FAT4: variants seen among roughly 807,000 people sequenced by gnomAD.
FAT4 encodes FAT atypical cadherin 4, also known as protocadherin Fat 4.
Under a neutral mutation model 303.9 loss-of-function variants are expected in FAT4, and 84 were observed. The observed-to-expected ratio is 0.28, with a 90% CI of 0.23 to 0.33. FAT4 has a LOEUF of 0.33. Ranked by LOEUF, FAT4 falls within the 10% of genes least tolerant of loss-of-function variation. FAT4 has a pLI of 1.00. For synonymous variants in FAT4, 2,307 were observed against 2,298.8 expected, an observed-to-expected ratio of 1.00 and a Z score of -0.10; for missense variants, 6,005 against 6,146.8, an observed-to-expected ratio of 0.98 and a Z score of 0.77.
intron 2 of FAT4, among the ~76,000 whole-genome samples, chr4:125,353,753 A>G (rs1004365378): frequency 1.3e-5 from 2 of 151,684 alleles, no homozygotes; most frequent in African/African-American, 4.8e-5. Context: ...TTAAAAGTGA[A>G]CATTTGTTAC....
chr4:125,442,923 T>C (rs1725706715), intron 8 of FAT4, among the ~76,000 whole-genome samples: 1 of 139,880 alleles, frequency 7.1e-6, no homozygotes, highest in Non-Finnish European at 1.5e-5. Flanking sequence ...TTATACAAAA[T>C]ATTTTTAATA....
chr4:125,450,433 C>A lies in FAT4; in HGVS notation c.9423C>A (p.Ile3141=). 1 of 1,614,036 alleles carries A rather than the reference C, an allele frequency of 6.2e-7. No homozygotes were observed. Among genetic ancestry groups the A allele is most frequent in the Non-Finnish European group, 8.5e-7 (1 of 1,179,994 alleles). ...GAAATGAAGAAGGCATTTTTGCAAT[C>A]AATTCTTCTACAGGTATATTAACAC... ...SSGNEEGIFA[I]NSSTGILTLA... Residue 3141 remains isoleucine, a synonymous_variant, in exon 10 of 18, where the codon ATC becomes ATA. Transcript: ENST00000394329.
intron 14 of FAT4, among the ~76,000 whole-genome samples, chr4:125,477,831 C>A (rs575906594): frequency 3.8e-4 from 58 of 152,048 alleles, no homozygotes; most frequent in African/African-American, 1.1e-3. Context: ...AATTAGGTTT[C>A]TAGCAATAAC....
intron 3 of FAT4, among the ~76,000 whole-genome samples, chr4:125,406,120 CT>C (rs1431699943): frequency 7.2e-5 from 11 of 152,094 alleles, no homozygotes; most frequent in African/African-American, 2.4e-4. Context: ...CAATTTTCAA[CT>C]AGGAGTTCTA....
chr4:125,372,124 G>A (rs1394525446), intron 2 of FAT4, among the ~76,000 whole-genome samples: 1 of 151,958 alleles, frequency 6.6e-6, no homozygotes, highest in Non-Finnish European at 1.5e-5. Flanking sequence ...AGGTGGGAGG[G>A]TTGCATGTGC....
intron 3 of FAT4, among the ~76,000 whole-genome samples, chr4:125,400,638 T>C (rs1161018064): frequency 2.0e-5 from 3 of 151,970 alleles, no homozygotes; most frequent in Non-Finnish European, 4.4e-5. Context: ...GGAAGGTCCT[T>C]ATACATCTAG....
At position 125,415,047 on chromosome 4, in the gene FAT4, C is replaced by G. The variant is rs1407360205; in HGVS notation, c.6084C>G (p.Ala2028=). 1.2e-6 allele frequency: 2 copies of G among 1,613,958 alleles called. No individual in the cohort carries two copies. The highest frequency in any genetic ancestry group is 2.7e-5 in the African/African-American group (2 of 74,924). ...TGCATGACCTGCCACAGATTCCAGC[C>G]TCCAGATTCACAAGCACTGCTCAAG... ...VQVHDLPQIP[A]SRFTSTAQVS... Residue 2028 remains alanine (A), a synonymous_variant, in exon 6 of 18, where the codon GCC becomes GCG. Coordinates refer to ENST00000394329, the MANE Select transcript of FAT4 (RefSeq NM_001291303.3).
chr4:125,391,509 G>A (rs1293823537), intron 2 of FAT4, among the ~76,000 whole-genome samples: 1 of 152,078 alleles, frequency 6.6e-6, no homozygotes, highest in Admixed American at 6.6e-5. Flanking sequence ...CACACACCAA[G>A]GCTTGTTGGG....
intron 2 of FAT4, among the ~76,000 whole-genome samples, chr4:125,391,942 T>A (rs918876750): frequency 6.6e-6 from 1 of 152,094 alleles, no homozygotes; most frequent in Non-Finnish European, 1.5e-5. Context: ...ACAGAAATAT[T>A]TCTAGAGGAG....
At chr4:125,391,691 A>G (rs1733985199) in intron 2 of FAT4, among the ~76,000 whole-genome samples, 2 of 152,352 alleles carry the variant, frequency 1.3e-5, no homozygotes, top group South Asian at 4.1e-4. Context: ...AGTCATTATT[A>G]TGAGTAGTTA....
chr4:125,400,033 ACT>A (rs1269913723), intron 3 of FAT4, among the ~76,000 whole-genome samples: 1 of 151,862 alleles, frequency 6.6e-6, no homozygotes, highest in Non-Finnish European at 1.5e-5. Flanking sequence ...AATTTCATTA[ACT>A]CTTATTTGAA....
At chr4:125,363,845 G>T (rs949990340) in intron 2 of FAT4, among the ~76,000 whole-genome samples, 1 of 152,016 alleles carries the variant, frequency 6.6e-6, no homozygotes, top group South Asian at 2.1e-4. Flanking sequence ...AACGATTATG[G>T]ATTATTATAT....
At chr4:125,470,140 A>G (rs1374472740) in intron 12 of FAT4, among the ~76,000 whole-genome samples, 1 of 152,188 alleles carries the variant, frequency 6.6e-6, no homozygotes, top group Non-Finnish European at 1.5e-5. Flanking sequence ...TTTTGAAAGG[A>G]ATCTTTTTTT....
Position 125,320,017 on chromosome 4 carries a change from T to C in FAT4, c.3606T>C (p.Asp1202=), listed in dbSNP as rs1203178245. ...DQATVHVYMK[D]INDNAPKFLK... Reference sequence around the variant, plus strand: ...CCACTGTACATGTTTACATGAAGGATATAAATGATAATGCTCCCAAATTTT... The same window carrying C: ...CCACTGTACATGTTTACATGAAGGACATAAATGATAATGCTCCCAAATTTT... The change falls in exon 2 of 18, where the codon GAT becomes GAC. Residue 1202 remains aspartate, a synonymous_variant. Transcript: ENST00000394329. 15 of 1,613,054 alleles carry C rather than the reference T, an allele frequency of 9.3e-6. No homozygotes were observed. Among genetic ancestry groups the C allele is most frequent in the Non-Finnish European group, 1.3e-5 (15 of 1,180,032 alleles).
chr4:125,443,534 A>G (rs1725731245), intron 8 of FAT4, among the ~76,000 whole-genome samples: 1 of 152,202 alleles, frequency 6.6e-6, no homozygotes, highest in African/African-American at 2.4e-5. Context: ...TTGTGCAACT[A>G]CTTTAGTCTC....
chr4:125,382,326 C>G (rs1306993279), intron 2 of FAT4, among the ~76,000 whole-genome samples: 1 of 152,162 alleles, frequency 6.6e-6, no homozygotes, highest in Non-Finnish European at 1.5e-5. Flanking sequence ...GTTTAGATTA[C>G]TCCTTGATCC....
intron 2 of FAT4, among the ~76,000 whole-genome samples, chr4:125,364,298 T>C (rs1009208921): frequency 9.9e-5 from 15 of 152,212 alleles, no homozygotes; most frequent in African/African-American, 3.4e-4. Flanking sequence ...TAGCATCATC[T>C]GTCACATTTA....
chr4:125,433,276 T>C (rs769455571), intron 7 of FAT4, among the ~76,000 whole-genome samples: 23 of 152,224 alleles, frequency 1.5e-4, no homozygotes, highest in Non-Finnish European at 2.8e-4. Flanking sequence ...AATTTAAATG[T>C]CATATTAAGG....
intron 2 of FAT4, among the ~76,000 whole-genome samples, chr4:125,335,893 G>A (rs1281094827): frequency 5.3e-5 from 8 of 152,062 alleles, no homozygotes. Flanking sequence ...AGTGTTGTGA[G>A]GAAAATGTGC....
Sources: gnomAD v4.1 joint callset for allele counts (sites outside exome capture counted in the v4.1 genomes callset) on GRCh38, gnomAD v4.1.1 for gene constraint, MANE v1.5 for transcripts, NCBI Gene and HGNC (gene_info 2026-07-23, HGNC 2026-07-21) for gene names.